The following SCEL variants were observed in gnomAD, a reference collection of about 807,000 sequenced individuals.
SCEL encodes the protein sciellin.
A neutral mutation model predicts 117.6 loss-of-function variants in SCEL; 113 were observed. That is an observed-to-expected ratio of 0.96 (90% CI 0.83 to 1.12). The LOEUF is 1.12. Among genes scored for constraint, SCEL ranks in the 50% most tolerant of loss-of-function variants. The pLI is 0.00. For missense variants in SCEL, 785 were observed against 810.8 expected (o/e 0.97, Z 0.39); for synonymous variants, 270 against 256.2 (o/e 1.05, Z -0.51).
intron 5 of SCEL, among the ~76,000 whole-genome samples, chr13:77,565,823 G>T (rs1439936248): frequency 6.6e-6 from 1 of 152,174 alleles, no homozygotes; most frequent in Non-Finnish European, 1.5e-5. Flanking sequence ...GAGACAGTGG[G>T]TTATAACTAA....
intron 9 of SCEL, among the ~76,000 whole-genome samples, chr13:77,578,247 T>C (rs1232109609): frequency 6.6e-6 from 1 of 151,778 alleles, no homozygotes; most frequent in Non-Finnish European, 1.5e-5. Flanking sequence ...ATTTGGGTGG[T>C]GCTTTCACAA....
At chr13:77,582,981 A>G (rs1247648901) in intron 9 of SCEL, among the ~76,000 whole-genome samples, 2 of 152,228 alleles carry the variant, frequency 1.3e-5, no homozygotes, top group Admixed American at 6.5e-5. Flanking sequence ...AAAAGCTGCT[A>G]TGACTTAAGC....
In SCEL at chr13:77,555,967, A is replaced by G. The variant is rs182032076; in HGVS notation, c.43+49A>G. Reference sequence around the variant, plus strand: ...ACTCAGAAAACTTTAAAATTTTGGAAAAACAACTCACAGATCTCAATTCTT... The same window carrying G: ...ACTCAGAAAACTTTAAAATTTTGGAGAAACAACTCACAGATCTCAATTCTT... On this transcript the variant is annotated intron_variant, in intron 2 of 32. Coordinates refer to ENST00000349847, the MANE Select transcript of SCEL (RefSeq NM_144777.3). The G allele has an allele frequency of 4.6e-4, 646 of 1,405,668 alleles. 11 individuals are homozygous for G. The East Asian group carries it at 0.013, about 29-fold the overall frequency. The allele number at this position is 1,405,668 out of a possible 1,614,324, so 87.1% of individuals were successfully genotyped here.
At chr13:77,629,745 A>T (rs1330155298) in intron 28 of SCEL, among the ~76,000 whole-genome samples, 3 of 152,194 alleles carry the variant, frequency 2.0e-5, no homozygotes, top group African/African-American at 7.2e-5. Context: ...GAAATTGTCC[A>T]TTTAATACTT....
chr13:77,556,564 CA>C, intron 2 of SCEL, 31 bp from the exon 3 acceptor site: 1 of 1,569,156 alleles, frequency 6.4e-7, no homozygotes, highest in Non-Finnish European at 8.8e-7. Context: ...CACACTATTA[CA>C]TCTTCCAGTC....
intron 21 of SCEL, 46 bp from the exon 22 acceptor site, chr13:77,610,001 C>G (rs776321736): frequency 2.4e-6 from 3 of 1,263,336 alleles, no homozygotes; most frequent in Non-Finnish European, 2.3e-6. Flanking sequence ...CACTTGAAAC[C>G]ATTCGATTTA....
At chr13:77,603,161 A>G (rs2087844444) in intron 18 of SCEL, 26 bp downstream of exon 18, 1 of 1,395,288 alleles carries the variant, frequency 7.2e-7, no homozygotes, top group Non-Finnish European at 9.9e-7. Flanking sequence ...GTCTTTAATT[A>G]TGGTTTCTGT....
At chr13:77,542,169 G>A (rs1430083004) in intron 1 of SCEL, among the ~76,000 whole-genome samples, 11 of 152,158 alleles carry the variant, frequency 7.2e-5, no homozygotes, top group African/African-American at 1.7e-4. Flanking sequence ...GAATCAGGCC[G>A]AGGCAGGCGG....
Position 77,555,972 on chromosome 13 carries a change from A to G in SCEL, c.43+54A>G. ...GAAAACTTTAAAATTTTGGAAAAAC[A>G]ACTCACAGATCTCAATTCTTTAATA... On this transcript the variant is annotated intron_variant, in intron 2 of 32. Transcript: ENST00000349847. The G allele has an allele frequency of 3.7e-6, 5 of 1,338,228 alleles. No homozygotes were observed. In the South Asian group the frequency reaches 4.7e-5, roughly 13 times the overall value. 82.9% of individuals were successfully genotyped at this position (1,338,228 alleles called of 1,614,324 possible). A position where few individuals can be genotyped will look rare whatever the true frequency, so the allele number is the denominator to read the frequency against.
At chr13:77,612,456 CTTTTTTTTT>C (rs71102764) in intron 22 of SCEL, among the ~76,000 whole-genome samples, 11,514 of 93,728 alleles carry the variant, frequency 0.12, 372 homozygotes, top group Non-Finnish European at 0.16. Flanking sequence ...TTTTTCTTTT[CTTTTTTTTT>C]TTTTTTTTTT....
intron 21 of SCEL, 144 bp from the exon 22 acceptor site, chr13:77,609,903 C>G: frequency 2.7e-6 from 1 of 376,578 alleles, no homozygotes; most frequent in Non-Finnish European, 4.4e-6. Flanking sequence ...ACAGTCAACA[C>G]TGAAAACCCC....
intron 30 of SCEL, among the ~76,000 whole-genome samples, chr13:77,639,507 T>C (rs557356184): frequency 5.9e-5 from 9 of 152,280 alleles, no homozygotes; most frequent in Admixed American, 5.2e-4. Context: ...GATTAGTGGT[T>C]CCTGGGTACG....
At chr13:77,590,865 G>A (rs2086826441) in intron 10 of SCEL, among the ~76,000 whole-genome samples, 1 of 151,998 alleles carries the variant, frequency 6.6e-6, no homozygotes, top group African/African-American at 2.4e-5. Flanking sequence ...AAAGAGTAGA[G>A]AAAAGTCTTA....
At chr13:77,619,499 T>G (rs113724708) in intron 27 of SCEL, among the ~76,000 whole-genome samples, 3 of 152,328 alleles carry the variant, frequency 2.0e-5, no homozygotes, top group Admixed American at 6.5e-5. Flanking sequence ...TCAGACTCTC[T>G]TCTTCTTTCC....
rs573713002 is a variant in SCEL at position 77,580,634 on chromosome 13, G to A, written c.545+8445G>A. Among the ~76,000 whole-genome samples the A allele has an allele frequency of 2.0e-5, 3 of 152,232 alleles. No individual in the cohort carries two copies. In the South Asian group the frequency reaches 6.2e-4, roughly 32 times the overall value. On this transcript the variant is annotated intron_variant, in intron 9 of 32. Transcript: ENST00000349847. ...AAGCTCATTTAAGAACCTCATGGAA[G>A]CCAAACTAAAGTACTTGCTTAACAG...
chr13:77,581,338 G>T (rs142085034), intron 9 of SCEL, among the ~76,000 whole-genome samples: 1 of 152,166 alleles, frequency 6.6e-6, no homozygotes, highest in South Asian at 2.1e-4. Flanking sequence ...AACCTAATTC[G>T]CAATCTGTAA....
rs531380656 is a variant in SCEL at position 77,640,666 on chromosome 13, A to G, written c.1839-10A>G. 1.4e-6 allele frequency: 2 copies of G among 1,479,178 alleles called. No individual in the cohort carries two copies. The highest frequency in any genetic ancestry group is 1.2e-5 in the South Asian group (1 of 81,564). 91.6% of individuals were successfully genotyped at this position (1,479,178 alleles called of 1,614,324 possible). On this transcript the variant is annotated splice_polypyrimidine_tract_variant and intron_variant, in intron 30 of 32. Transcript: ENST00000349847. Reference sequence around the variant, plus strand: ...GGCAAATTTATTTTTAATTGCTTACATTTCTATAGGTCTGTCATTGAAAGA... The same window carrying G: ...GGCAAATTTATTTTTAATTGCTTACGTTTCTATAGGTCTGTCATTGAAAGA...
chr13:77,539,233 AT>A (rs2083569392), intron 1 of SCEL, among the ~76,000 whole-genome samples: 1 of 151,398 alleles, frequency 6.6e-6, no homozygotes, highest in Non-Finnish European at 1.5e-5. Flanking sequence ...TTGATGAATA[AT>A]TAATAGACAT....
Position 77,599,369 on chromosome 13 carries a change from G to T in SCEL, c.838G>T (p.Val280Leu). ...TAGTCTCTTCAGAGCAAATCCAAAG[G>T]TAGAAGAAAGAGAGAAAAGGTAAGT... ...LDSLFRANPK[V>L]EEREKRAKSL... Residue 280 changes from valine to leucine, a missense_variant, in exon 14 of 33, where the codon GTA becomes TTA. Transcript: ENST00000349847. 1 of 1,612,438 alleles carries T rather than the reference G, an allele frequency of 6.2e-7. No homozygotes were observed. The highest frequency in any genetic ancestry group is 2.2e-5 in the East Asian group (1 of 44,848).
Sources: gnomAD v4.1 joint callset for allele counts (sites outside exome capture counted in the v4.1 genomes callset) on GRCh38, gnomAD v4.1.1 for gene constraint, MANE v1.5 for transcripts, NCBI Gene and HGNC (gene_info 2026-07-23, HGNC 2026-07-21) for gene names.